Variants in MST1R observed in about 807,000 individuals in gnomAD.
MST1R encodes macrophage stimulating 1 receptor.
Under a neutral mutation model 117.8 loss-of-function variants are expected in MST1R, and 99 were observed. That is an observed-to-expected ratio of 0.84 (90% CI 0.71 to 0.99). The LOEUF (loss-of-function observed/expected upper bound fraction) is 0.99. Ranked by LOEUF, MST1R falls within the 50% of genes least tolerant of loss-of-function variation. The probability of loss-of-function intolerance (pLI) is 0.00; values close to 1 mark genes in which losing one functional copy is unlikely to be tolerated. For synonymous variants in MST1R, 734 were observed against 765.3 expected (o/e 0.96, Z 0.68); for missense variants, 1,683 against 1,840.2 (o/e 0.91, Z 1.56).
In MST1R at chr3:49,902,922, G is replaced by C. The variant is rs745356207; in HGVS notation, c.688C>G (p.Pro230Ala). ...AGCACTGACAACGCCACAAAGCCCG[G>C]TGCGAATCCCGAGGCGTCAGCCTTG... ...RLKADASGFAPGFVALSVLPK... is the reference protein window; with the variant it reads ...RLKADASGFAAGFVALSVLPK... Residue 230 changes from proline to alanine, a missense_variant, in exon 1 of 20, where the codon CCG becomes GCG. Pro to Ala is a conservative substitution (Grantham distance 27). Transcript: ENST00000296474. 1 of 1,613,478 alleles carries C rather than the reference G, an allele frequency of 6.2e-7. No homozygotes were observed. The highest frequency in any genetic ancestry group is 1.3e-5 in the African/African-American group (1 of 75,080).
At chr3:49,891,694 G>A (rs1260130367) in intron 15 of MST1R, 64 bp downstream of exon 15, 3 of 1,608,968 alleles carry the variant, frequency 1.9e-6, no homozygotes, top group Admixed American at 1.7e-5. Context: ...TGGGAACACA[G>A]AGAAAAAGAA....
At chr3:49,889,183 A>C (rs1467682639) in intron 19 of MST1R, among the ~76,000 whole-genome samples, 1 of 151,872 alleles carries the variant, frequency 6.6e-6, no homozygotes, top group South Asian at 2.1e-4. Context: ...CTTGCCCCCA[A>C]CCTCTCAGTA....
At chr3:49,901,022 C>T (rs1287119807) in intron 1 of MST1R, among the ~76,000 whole-genome samples, 1 of 152,220 alleles carries the variant, frequency 6.6e-6, no homozygotes, top group Non-Finnish European at 1.5e-5. Flanking sequence ...CAAGATTAGT[C>T]TTCCTGGAGC....
At chr3:49,901,357 C>T (rs2082671043) in intron 1 of MST1R, among the ~76,000 whole-genome samples, 1 of 152,148 alleles carries the variant, frequency 6.6e-6, no homozygotes, top group Non-Finnish European at 1.5e-5. Context: ...AGCTGTGGGT[C>T]CCATTCCTTG....
chr3:49,898,115 T>A lies in MST1R; in HGVS notation c.1816A>T (p.Thr606Ser). Reference sequence around the variant, plus strand: ...CTTTGGCCCACAGTGACCTGATGGGTTCCCTCAGGCACCAGACCAGAAGGG... The same window carrying A: ...CTTTGGCCCACAGTGACCTGATGGGATCCCTCAGGCACCAGACCAGAAGGG... ...LHPSGLVPEG[T>S]HQVTVGQSPC... Residue 606 changes from threonine to serine, a missense_variant, in exon 5 of 20, where the codon ACC becomes TCC. Thr to Ser is a moderately conservative substitution (Grantham distance 58). Transcript: ENST00000296474. 1.9e-6 allele frequency: 3 copies of A among 1,613,970 alleles called. No individual in the cohort carries two copies. Among genetic ancestry groups the A allele is most frequent in the Non-Finnish European group, 2.5e-6 (3 of 1,180,008 alleles).
At chr3:49,893,898 C>CAA (rs1442289482) in intron 14 of MST1R, among the ~76,000 whole-genome samples, 2 of 130,052 alleles carry the variant, frequency 1.5e-5, no homozygotes, top group Non-Finnish European at 1.6e-5. Flanking sequence ...GACTCCCTCT[C>CAA]AAAAAAAAAA....
rs1231256343 is a variant in MST1R, at chr3:49,891,823, A to T, written c.3287T>A (p.Val1096Asp). 2 of 1,614,146 alleles carry T rather than the reference A, an allele frequency of 1.2e-6. No homozygotes were observed. The highest frequency in any genetic ancestry group is 4.5e-5 in the East Asian group (2 of 44,878). The change falls in exon 15 of 20, where the codon GTC (valine) becomes GAC (aspartate). Residue 1096 changes from valine to aspartate, a missense_variant. By Grantham distance (152) the Val-to-Asp change is radical. Transcript: ENST00000296474. ...CTGGTCTATGTATTCTCCGTGGTAG[A>T]CAACTCCAAAGTGGCCTGGTGTGAG... ...RVIGKGHFGV[V>D]YHGEYIDQAQ... is the part of the protein sequence containing the mutation.
In MST1R at chr3:49,887,106, C is replaced by A; in HGVS notation, c.*201G>T. 2 of 675,156 alleles carry A rather than the reference C, an allele frequency of 3.0e-6. No homozygotes were observed. Among genetic ancestry groups the A allele is most frequent in the Non-Finnish European group, 5.0e-6 (2 of 401,096 alleles). 41.8% of individuals were successfully genotyped at this position (675,156 alleles called of 1,614,324 possible). A position where few individuals can be genotyped will look rare whatever the true frequency, so the allele number is the denominator to read the frequency against. On this transcript the variant is annotated 3_prime_UTR_variant, in exon 20 of 20. Coordinates refer to ENST00000296474, the MANE Select transcript of MST1R (RefSeq NM_002447.4). Reference sequence around the variant, plus strand: ...CAGAAGACAGGGTCCACAGCAGGCACTCCATAAATACATGTTGCAGGACTG... The same window carrying A: ...CAGAAGACAGGGTCCACAGCAGGCAATCCATAAATACATGTTGCAGGACTG...
intron 14 of MST1R, 121 bp from the exon 15 acceptor site, chr3:49,891,959 T>G: frequency 1.4e-6 from 1 of 703,866 alleles, no homozygotes; most frequent in South Asian, 2.0e-5. Flanking sequence ...ATTTTATTTA[T>G]TTTTAATTTT....
intron 19 of MST1R, among the ~76,000 whole-genome samples, chr3:49,889,461 CG>C (rs2082250847): frequency 6.6e-6 from 1 of 152,154 alleles, no homozygotes; most frequent in African/African-American, 2.4e-5. Context: ...ACCTCAGCAC[CG>C]AACCCACCCC....
At chr3:49,891,113 G>T in intron 17 of MST1R, 84 bp downstream of exon 17, 4 of 1,190,928 alleles carry the variant, frequency 3.4e-6, no homozygotes, top group Non-Finnish European at 4.9e-6. Flanking sequence ...AGGCTGGAGT[G>T]GGCCCTTCCC....
intron 14 of MST1R, 66 bp from the exon 15 acceptor site, chr3:49,891,904 C>T: frequency 7.3e-7 from 1 of 1,364,512 alleles, no homozygotes; most frequent in Admixed American, 1.7e-5. Flanking sequence ...ACCACACATT[C>T]TCATTGGCAA....
rs761803125 is a variant in MST1R at position 49,891,511 on chromosome 3, G to A, written c.3422C>T (p.Pro1141Leu). Residue 1141 changes from proline to leucine, a missense_variant, in exon 16 of 20, where the codon CCG becomes CTG. By Grantham distance (98) the Pro-to-Leu change is moderately conservative. Coordinates refer to ENST00000296474, the MANE Select transcript of MST1R (RefSeq NM_002447.4). ...GATACCAATGAGAGCCAGCACATTC[G>A]GGTGGTTCAGGCCACGCATGAGCAG... ...EGLLMRGLNH[P>L]NVLALIGIML... The A allele has an allele frequency of 1.4e-5, 23 of 1,613,888 alleles. No homozygotes were observed. Among genetic ancestry groups the A allele is most frequent in the African/African-American group, 5.3e-5 (4 of 74,942 alleles).
At position 49,887,575 on chromosome 3, in the gene MST1R, AG is replaced by A; in HGVS notation, c.3948-14del. 1.2e-6 allele frequency: 2 copies of A among 1,612,262 alleles called. No homozygotes were observed. The highest frequency in any genetic ancestry group is 2.2e-5 in the East Asian group (1 of 44,866). On this transcript the variant is annotated splice_polypyrimidine_tract_variant and intron_variant, in intron 19 of 19. Coordinates refer to ENST00000296474, the MANE Select transcript of MST1R (RefSeq NM_002447.4). ...CATCACTTGGTACCTGTTGGGGGAA[AG>A]GGATGTCAGGTTAAGGCAATTTCCA...
rs139861776 is a variant in MST1R at position 49,890,588 on chromosome 3, C to G, written c.3707G>C (p.Arg1236Thr). ...ATGCTGTTGAACACTATAGTACTCC[C>G]TGTCCAGGATGTCGCGGGCCAAACC... Reference protein sequence around the residue: ...DFGLARDILDREYYSVQQHRH... With the variant: ...DFGLARDILDTEYYSVQQHRH... Residue 1236 changes from arginine (R) to threonine (T), a missense_variant, in exon 18 of 20, where the codon AGG (arginine) becomes ACG (threonine). Coordinates refer to ENST00000296474, the MANE Select transcript of MST1R (RefSeq NM_002447.4). 7 of 1,614,034 alleles carry G rather than the reference C, an allele frequency of 4.3e-6. No homozygotes were observed. In the African/African-American group the frequency reaches 6.7e-5, roughly 15 times the overall value.
Position 49,903,316 on chromosome 3 carries a change from G to T in MST1R, c.294C>A (p.Asp98Glu). 1 of 1,613,002 alleles carries T rather than the reference G, an allele frequency of 6.2e-7. No individual in the cohort carries two copies. The highest frequency in any genetic ancestry group is 8.5e-7 in the Non-Finnish European group (1 of 1,179,968). Residue 98 changes from aspartate to glutamate, a missense_variant, in exon 1 of 20, where the codon GAC (aspartate) becomes GAA (glutamate). By Grantham distance (45) the Asp-to-Glu change is conservative. Transcript: ENST00000296474. ...VQSLATGPAG[D>E]PGCQTCAACG... ...AGGCTGCACACGTCTGGCAGCCAGG[G>T]TCTCCAGCAGGGCCCGTGGCCAGGC...
rs1434539087 is a variant in MST1R, at chr3:49,897,590, A to G, written c.1976T>C (p.Val659Ala). ...AVGPTNVSLT[V>A]TNMPPGKHFR... is the part of the protein sequence containing the mutation. Reference sequence around the variant, plus strand: ...GTGCTTGCCCGGTGGCATGTTAGTCACGGTGAGGCTGACGTTGGTAGGCCC... The same window carrying G: ...GTGCTTGCCCGGTGGCATGTTAGTCGCGGTGAGGCTGACGTTGGTAGGCCC... Residue 659 changes from valine to alanine, a missense_variant, in exon 6 of 20, where the codon GTG becomes GCG. Val to Ala is a moderately conservative substitution (Grantham distance 64, BLOSUM62 0). Transcript: ENST00000296474. 6.2e-7 allele frequency: 1 copy of G among 1,614,138 alleles called. No homozygotes were observed. The highest frequency in any genetic ancestry group is 8.5e-7 in the Non-Finnish European group (1 of 1,180,034).
At chr3:49,897,001 C>T (rs1322235366) in intron 7 of MST1R, 111 bp from the exon 8 acceptor site, 1 of 1,299,854 alleles carries the variant, frequency 7.7e-7, no homozygotes, top group Non-Finnish European at 1.0e-6. Context: ...CTCCCACCTG[C>T]CCCACTCCAT....
chr3:49,890,703 A>AC, intron 17 of MST1R, 53 bp from the exon 18 acceptor site: 1 of 1,539,648 alleles, frequency 6.5e-7, no homozygotes, highest in Non-Finnish European at 8.8e-7. Flanking sequence ...CAGGCCCTGA[A>AC]CCCACCTGTT....
Sources: allele counts gnomAD v4.1 joint callset (sites outside exome capture counted in the v4.1 genomes callset), GRCh38; gene constraint gnomAD v4.1.1; transcripts MANE v1.5; gene names NCBI Gene and HGNC (gene_info 2026-07-23, HGNC 2026-07-21).